Variants in MDGA2 observed in about 807,000 individuals in gnomAD.
MDGA2 encodes MAM domain containing glycosylphosphatidylinositol anchor 2.
Under a neutral mutation model 117.8 loss-of-function variants are expected in MDGA2, and 40 were observed. The ratio of observed to expected loss-of-function variants is 0.34; its 90% CI spans 0.26 to 0.44. MDGA2 has a LOEUF of 0.44. MDGA2 is among the 20% of genes least tolerant of loss of function. The pLI is 1.00. For missense variants in MDGA2, 1,123 were observed against 1,250.6 expected, an observed-to-expected ratio of 0.90 and a Z score of 1.54; for synonymous variants, 452 against 439.0, an observed-to-expected ratio of 1.03 and a Z score of -0.37.
intron 1 of MDGA2, among the ~76,000 whole-genome samples, chr14:47,354,887 T>C (rs1455878319): frequency 6.6e-6 from 1 of 152,096 alleles, no homozygotes; most frequent in Admixed American, 6.6e-5. Flanking sequence ...TTAAGGTCTT[T>C]AGGTGTGTGT....
chr14:47,111,170 A>AT (rs1566630733), intron 5 of MDGA2, among the ~76,000 whole-genome samples: 1 of 152,098 alleles, frequency 6.6e-6, no homozygotes, highest in African/African-American at 2.4e-5. Flanking sequence ...ACTTTATTTT[A>AT]TTTTTTACCA....
intron 1 of MDGA2, among the ~76,000 whole-genome samples, chr14:47,484,736 T>C (rs1002958832): frequency 2.6e-5 from 4 of 152,068 alleles, no homozygotes; most frequent in African/African-American, 9.7e-5. Flanking sequence ...GTCTTTCCCA[T>C]GCTGTTCTCC....
intron 8 of MDGA2, among the ~76,000 whole-genome samples, chr14:47,007,753 G>A (rs1235081913): frequency 2.6e-5 from 4 of 151,716 alleles, no homozygotes; most frequent in Non-Finnish European, 5.9e-5. Context: ...CATTTCTCTT[G>A]TCCCTCAATT....
chr14:47,112,452 GGGTCCTTATTGTTCA>G (rs1174710627), intron 5 of MDGA2, among the ~76,000 whole-genome samples: 1 of 152,042 alleles, frequency 6.6e-6, no homozygotes, highest in East Asian at 1.9e-4. Context: ...CTGTGTCCAT[GGGTCCTTATTGTTCA>G]GCTCCCACTT....
chr14:47,163,590 G>C (rs1214140719), intron 3 of MDGA2, among the ~76,000 whole-genome samples: 1 of 152,126 alleles, frequency 6.6e-6, no homozygotes, highest in East Asian at 1.9e-4. Context: ...GGCCGCCCCA[G>C]CCACATGGAA....
At chr14:47,042,246 A>T (rs1005043710) in intron 7 of MDGA2, among the ~76,000 whole-genome samples, 22 of 152,234 alleles carry the variant, frequency 1.4e-4, no homozygotes, top group Middle Eastern at 3.4e-3. Context: ...AAACAAATGT[A>T]AAAAAGTAGG....
At chr14:47,324,349 T>A (rs927218829) in intron 1 of MDGA2, among the ~76,000 whole-genome samples, 1 of 152,182 alleles carries the variant, frequency 6.6e-6, no homozygotes, top group Admixed American at 6.5e-5. Context: ...ACATTGGTGT[T>A]ACCCATGAGC....
chr14:47,604,512 TAA>T (rs1896707752), intron 1 of MDGA2, among the ~76,000 whole-genome samples: 1 of 86,734 alleles, frequency 1.2e-5, no homozygotes, highest in Admixed American at 1.6e-4. Flanking sequence ...CACCCCCCTA[TAA>T]AGACAAGATC....
At chr14:47,380,425 T>A (rs961103447) in intron 1 of MDGA2, among the ~76,000 whole-genome samples, 12 of 151,812 alleles carry the variant, frequency 7.9e-5, no homozygotes, top group Non-Finnish European at 1.6e-4. Context: ...AATCAGTGAA[T>A]CCGGGAGCTC....
chr14:47,379,408 A>G (rs1233713447), intron 1 of MDGA2, among the ~76,000 whole-genome samples: 1 of 152,222 alleles, frequency 6.6e-6, no homozygotes, highest in Non-Finnish European at 1.5e-5. Context: ...GCTCCAATTA[A>G]AAGACACAGA....
At chr14:47,330,167 G>T (rs1027897047) in intron 1 of MDGA2, among the ~76,000 whole-genome samples, 8 of 151,898 alleles carry the variant, frequency 5.3e-5, no homozygotes, top group African/African-American at 1.9e-4. Flanking sequence ...TAATTTTTAT[G>T]AGTGAATTAC....
intron 9 of MDGA2, among the ~76,000 whole-genome samples, chr14:46,929,633 A>C (rs867516469): frequency 3.8e-5 from 1 of 26,398 alleles, no homozygotes; most frequent in Non-Finnish European, 7.3e-5. Context: ...ATATATATAT[A>C]TATATATATA....
At chr14:47,476,234 C>G (rs1893834228) in intron 1 of MDGA2, among the ~76,000 whole-genome samples, 1 of 151,990 alleles carries the variant, frequency 6.6e-6, no homozygotes, top group South Asian at 2.1e-4. Context: ...GTCACACTTG[C>G]TAGGAGTATA....
chr14:47,047,980 G>T (rs1889324153), intron 7 of MDGA2, among the ~76,000 whole-genome samples: 1 of 151,946 alleles, frequency 6.6e-6, no homozygotes, highest in African/African-American at 2.4e-5. Flanking sequence ...TTCCCCCAAA[G>T]CCATCCAAGG....
chr14:47,195,613 G>T (rs1365352646), intron 3 of MDGA2, among the ~76,000 whole-genome samples: 1 of 152,006 alleles, frequency 6.6e-6, no homozygotes, highest in Non-Finnish European at 1.5e-5. Flanking sequence ...CATATAAAAA[G>T]AGATAAGTTC....
At chr14:47,370,497 TTG>T (rs1555376842) in intron 1 of MDGA2, among the ~76,000 whole-genome samples, 874 of 26,982 alleles carry the variant, frequency 0.032, 39 homozygotes, top group South Asian at 0.085. Flanking sequence ...TTTTTTTTTT[TTG>T]TGTGTGTGTG....
rs12589733 is a variant in MDGA2, at chr14:47,344,861, C to G, written c.281-43311G>C. Among the ~76,000 whole-genome samples the G allele has an allele frequency of 0.015, 2,199 of 142,774 alleles. 74 individuals carry two copies. In the East Asian group the frequency reaches 0.16, roughly 11 times the overall value. 93.7% of individuals were successfully genotyped at this position (142,774 alleles called of 152,430 possible). A position where few individuals can be genotyped will look rare whatever the true frequency, so the allele number is the denominator to read the frequency against. On this transcript the variant is annotated intron_variant, in intron 1 of 16. Coordinates refer to ENST00000399232, the MANE Select transcript of MDGA2 (RefSeq NM_001113498.3). The stretch of plus-strand genomic sequence containing the variant: ...TATGTGACTACAGACAGGGGTGTCT[C>G]TGTGTGTGTATGAGAGTGTGTGTGT...
At chr14:47,045,149 T>C (rs1475806204) in intron 7 of MDGA2, among the ~76,000 whole-genome samples, 1 of 152,172 alleles carries the variant, frequency 6.6e-6, no homozygotes, top group East Asian at 1.9e-4. Context: ...ATTCATATTT[T>C]CCCTGCTACT....
At chr14:47,323,649 A>C (rs763190124) in intron 1 of MDGA2, among the ~76,000 whole-genome samples, 3 of 151,982 alleles carry the variant, frequency 2.0e-5, no homozygotes, top group Non-Finnish European at 4.4e-5. Context: ...AAAACAAAAC[A>C]AAACAAAAAA....
Sources: allele counts gnomAD v4.1 joint callset (sites outside exome capture counted in the v4.1 genomes callset), GRCh38; gene constraint gnomAD v4.1.1; transcripts MANE v1.5; gene names NCBI Gene and HGNC (gene_info 2026-07-23, HGNC 2026-07-21).